The following NRG2 variants were observed in gnomAD, a reference collection of about 807,000 sequenced individuals.
NRG2 encodes the protein pro-neuregulin-2, membrane-bound isoform.
NRG2 carries 27 observed loss-of-function variants against 73.9 expected under a neutral mutation model. That is an observed-to-expected ratio of 0.37 (90% CI 0.27 to 0.50). The LOEUF (loss-of-function observed/expected upper bound fraction) is 0.50. Ranked by LOEUF, NRG2 falls within the 20% of genes least tolerant of loss-of-function variation. The pLI is 0.96. For missense variants in NRG2, 1,126 were observed against 1,210.1 expected, an observed-to-expected ratio of 0.93 and a Z score of 1.03; for synonymous variants, 532 against 541.0, an observed-to-expected ratio of 0.98 and a Z score of 0.23.
At chr5:140,017,758 C>A (rs188041076) in intron 1 of NRG2, among the ~76,000 whole-genome samples, 1 of 151,690 alleles carries the variant, frequency 6.6e-6, no homozygotes, top group African/African-American at 2.4e-5. Flanking sequence ...AGATTGGTTG[C>A]GAAAGAGAAG....
intron 2 of NRG2, among the ~76,000 whole-genome samples, chr5:139,883,428 G>A (rs867987193): frequency 3.3e-5 from 5 of 152,120 alleles, no homozygotes; most frequent in South Asian, 2.1e-4. Context: ...GGATTTGGGG[G>A]GGCAGTTTGC....
At chr5:140,020,886 G>T (rs1369564787) in intron 1 of NRG2, among the ~76,000 whole-genome samples, 2 of 152,192 alleles carry the variant, frequency 1.3e-5, no homozygotes, top group African/African-American at 4.8e-5. Context: ...GGGGTGGAGA[G>T]TAGGGTGAGT....
At chr5:140,030,154 C>T (rs1761020708) in intron 1 of NRG2, among the ~76,000 whole-genome samples, 1 of 152,164 alleles carries the variant, frequency 6.6e-6, no homozygotes, top group Non-Finnish European at 1.5e-5. Context: ...AACACTCACT[C>T]CTACTCTGGA....
intron 1 of NRG2, among the ~76,000 whole-genome samples, chr5:139,936,377 C>T (rs974786299): frequency 6.6e-6 from 1 of 152,088 alleles, no homozygotes; most frequent in Non-Finnish European, 1.5e-5. Context: ...ATAATGGCAT[C>T]TCATGAGCAA....
At chr5:139,983,593 A>C (rs1451718052) in intron 1 of NRG2, among the ~76,000 whole-genome samples, 1 of 152,246 alleles carries the variant, frequency 6.6e-6, no homozygotes, top group African/African-American at 2.4e-5. Flanking sequence ...GATAAAGAGA[A>C]GGCAAAAGAA....
chr5:139,929,985 A>G (rs1345355675), intron 1 of NRG2, among the ~76,000 whole-genome samples: 1 of 152,268 alleles, frequency 6.6e-6, no homozygotes, highest in African/African-American at 2.4e-5. Flanking sequence ...GTGATGTCAC[A>G]TAGGGTAAGC....
chr5:140,031,229 C>T (rs1427509470), intron 1 of NRG2, among the ~76,000 whole-genome samples: 1 of 152,172 alleles, frequency 6.6e-6, no homozygotes, highest in African/African-American at 2.4e-5. Flanking sequence ...ATTCTATCAG[C>T]AGGCCTAAGC....
At chr5:139,974,673 G>A (rs1316359072) in intron 1 of NRG2, among the ~76,000 whole-genome samples, 1 of 151,864 alleles carries the variant, frequency 6.6e-6, no homozygotes, top group African/African-American at 2.4e-5. Context: ...CTTCCTCCTT[G>A]GCTGTTACCA....
At chr5:139,917,549 G>A (rs1446639063) in intron 1 of NRG2, among the ~76,000 whole-genome samples, 1 of 152,152 alleles carries the variant, frequency 6.6e-6, no homozygotes, top group Non-Finnish European at 1.5e-5. Context: ...ACTGTCCCCA[G>A]CCTTATTATT....
At chr5:139,897,842 G>A (rs905178662) in intron 1 of NRG2, among the ~76,000 whole-genome samples, 4 of 152,146 alleles carry the variant, frequency 2.6e-5, no homozygotes, top group Non-Finnish European at 4.4e-5. Context: ...TAATGAAGTC[G>A]GGGCCCTGAC....
chr5:140,037,044 G>A (rs1377167986), intron 1 of NRG2, among the ~76,000 whole-genome samples: 1 of 152,176 alleles, frequency 6.6e-6, no homozygotes, highest in African/African-American at 2.4e-5. Context: ...ACGTACTTCA[G>A]AACAGTATTC....
intron 1 of NRG2, among the ~76,000 whole-genome samples, chr5:140,035,579 C>T (rs943412433): frequency 6.6e-6 from 1 of 152,296 alleles, no homozygotes; most frequent in Non-Finnish European, 1.5e-5. Flanking sequence ...TACCAAATTG[C>T]ATCACTGTCA....
chr5:139,908,703 G>C (rs1266900466), intron 1 of NRG2, among the ~76,000 whole-genome samples: 3 of 152,214 alleles, frequency 2.0e-5, no homozygotes, highest in Non-Finnish European at 4.4e-5. Context: ...AGATGAGAGA[G>C]AGTAGAGAAA....
At chr5:139,921,645 A>G (rs922403354) in intron 1 of NRG2, among the ~76,000 whole-genome samples, 1 of 152,232 alleles carries the variant, frequency 6.6e-6, no homozygotes, top group Non-Finnish European at 1.5e-5. Context: ...ATCCAAAACT[A>G]TAACACTACT....
chr5:139,954,597 C>T lies in NRG2; in HGVS notation c.701-67086G>A, dbSNP rs1461906140. 6.6e-6 allele frequency among the ~76,000 whole-genome samples: 1 copy of T among 152,212 alleles called. No homozygotes were observed. The highest frequency in any genetic ancestry group is 2.1e-4 in the South Asian group (1 of 4,830). ...TTCTCTGTGATTTAGCAACCCTGGA[C>T]GTCATCAATCCTCACTCCCATGGCT... On this transcript the variant is annotated intron_variant, in intron 1 of 9. Coordinates refer to ENST00000361474, the MANE Select transcript of NRG2 (RefSeq NM_004883.3). The surrounding 1 kb of genome is among the most constrained non-coding windows in gnomAD (Gnocchi z 5.0).
intron 2 of NRG2, among the ~76,000 whole-genome samples, chr5:139,886,581 T>C (rs556900174): frequency 2.0e-5 from 3 of 152,296 alleles, no homozygotes; most frequent in Admixed American, 1.3e-4. Context: ...AGACATCAGG[T>C]AGAATGCCTG....
chr5:139,980,496 C>A (rs1205943783), intron 1 of NRG2, among the ~76,000 whole-genome samples: 2 of 152,216 alleles, frequency 1.3e-5, no homozygotes, highest in South Asian at 4.1e-4. Context: ...CCCAAGTCTG[C>A]TTTCAGCGTG....
chr5:139,886,199 T>C (rs901548929), intron 2 of NRG2, among the ~76,000 whole-genome samples: 2 of 152,174 alleles, frequency 1.3e-5, no homozygotes, highest in Non-Finnish European at 2.9e-5. Context: ...GAGTGATCAG[T>C]TTTACTTCTG....
intron 1 of NRG2, among the ~76,000 whole-genome samples, chr5:139,939,266 CT>C (rs71588639): frequency 1.4e-5 from 2 of 138,008 alleles, no homozygotes; most frequent in Non-Finnish European, 1.5e-5. Context: ...CTTTCTTTTT[CT>C]TTCTTTCTTT....
Sources: gnomAD v4.1 joint callset for allele counts (sites outside exome capture counted in the v4.1 genomes callset) on GRCh38, gnomAD v4.1.1 for gene constraint, Gnocchi (gnomAD v3.1) non-coding constraint, MANE v1.5 for transcripts, NCBI Gene and HGNC (gene_info 2026-07-23, HGNC 2026-07-21) for gene names.